Variants in RILPL1 observed in about 807,000 individuals in gnomAD.
The protein encoded by RILPL1 is RILP-like protein 1.
In RILPL1, 33 loss-of-function variants were observed where a neutral mutation model predicts 50.3. The ratio of observed to expected loss-of-function variants is 0.66; its 90% CI spans 0.50 to 0.88. The LOEUF is 0.88. Among genes scored for constraint, RILPL1 ranks in the 40% least tolerant of loss-of-function variants. RILPL1 has a pLI of 0.00. For missense variants in RILPL1, 418 were observed against 542.5 expected, an observed-to-expected ratio of 0.77 and a Z score of 2.28; for synonymous variants, 205 against 228.6, an observed-to-expected ratio of 0.90 and a Z score of 0.93.
At chr12:123,521,683 ATACACAC>A (rs1885057059) in intron 2 of RILPL1, among the ~76,000 whole-genome samples, 15 of 38,396 alleles carry the variant, frequency 3.9e-4, no homozygotes, top group Non-Finnish European at 9.7e-5. Context: ...ATATATATAT[ATACACAC>A]ATATATGTAT....
At chr12:123,530,600 C>T (rs887455565) in intron 1 of RILPL1, among the ~76,000 whole-genome samples, 3 of 152,218 alleles carry the variant, frequency 2.0e-5, no homozygotes, top group Admixed American at 2.0e-4. Flanking sequence ...GTGCCCAGAA[C>T]AATGCATGGC....
chr12:123,486,394 C>T (rs1275893453), intron 4 of RILPL1, among the ~76,000 whole-genome samples: 1 of 152,194 alleles, frequency 6.6e-6, no homozygotes, highest in Non-Finnish European at 1.5e-5. Context: ...GGGTGACCAA[C>T]AGATCCCAGC....
At chr12:123,473,537 A>G (rs771698678) in intron 6 of RILPL1, 6 of 151,954 alleles carry the variant, frequency 3.9e-5, no homozygotes, top group Non-Finnish European at 7.4e-5. Context: ...AAATATATAT[A>G]TATAAGTAAA....
At chr12:123,497,731 G>T (rs533110108) in intron 4 of RILPL1, among the ~76,000 whole-genome samples, 1 of 152,044 alleles carries the variant, frequency 6.6e-6, no homozygotes, top group Non-Finnish European at 1.5e-5. Context: ...TTTTTGTAGA[G>T]ATAGGACCTC....
intron 4 of RILPL1, among the ~76,000 whole-genome samples, chr12:123,495,805 C>T (rs1882996863): frequency 2.0e-5 from 3 of 151,140 alleles, no homozygotes; most frequent in South Asian, 2.1e-4. Context: ...CTCAGCCTCC[C>T]GAGTAGCTGG....
At chr12:123,480,930 C>T (rs1018457443) in intron 6 of RILPL1, among the ~76,000 whole-genome samples, 3 of 152,120 alleles carry the variant, frequency 2.0e-5, no homozygotes, top group Non-Finnish European at 2.9e-5. Flanking sequence ...GTCACAGACC[C>T]GGACGATCAA....
In RILPL1 at chr12:123,498,418, T is replaced by C. The variant is rs1593559546; in HGVS notation, c.801+126A>G. ...AAAATGTTTGTAGAGAATTGGGGTCTTGCTATGTTGCCCAGGTTGGCCATT... is the reference window on the plus strand; with the variant it reads ...AAAATGTTTGTAGAGAATTGGGGTCCTGCTATGTTGCCCAGGTTGGCCATT... On this transcript the variant is annotated intron_variant, in intron 4 of 6. Coordinates refer to ENST00000376874, the MANE Select transcript of RILPL1 (RefSeq NM_178314.5). This position sits in a 1 kb window ranked among gnomAD's most constrained non-coding sequence, Gnocchi z 4.3. The C allele has an allele frequency of 1.3e-6, 1 of 766,768 alleles. No homozygotes were observed. The highest frequency in any genetic ancestry group is 1.7e-5 in the African/African-American group (1 of 57,902). The allele number at this position is 766,768 out of a possible 1,614,324, so 47.5% of individuals were successfully genotyped here.
At chr12:123,511,981 CTG>C (rs1459868009) in intron 2 of RILPL1, among the ~76,000 whole-genome samples, 1 of 69,426 alleles carries the variant, frequency 1.4e-5, no homozygotes, top group Non-Finnish European at 2.8e-5. Flanking sequence ...TGTGTGAGGT[CTG>C]TGTGTGGTGT....
intron 2 of RILPL1, among the ~76,000 whole-genome samples, chr12:123,517,424 G>GTTTTT (rs59944903): frequency 1.5e-5 from 2 of 131,964 alleles, no homozygotes; most frequent in Non-Finnish European, 1.6e-5. Flanking sequence ...TGTTGTTATT[G>GTTTTT]TTTTTTTTTT....
At chr12:123,526,534 A>C (rs1333834379) in intron 1 of RILPL1, among the ~76,000 whole-genome samples, 2 of 152,120 alleles carry the variant, frequency 1.3e-5, no homozygotes, top group Non-Finnish European at 2.9e-5. Context: ...AAGCGCCTGG[A>C]ATATGCCCGG....
At chr12:123,484,775 G>C (rs889462724) in intron 5 of RILPL1, 5 of 224,016 alleles carry the variant, frequency 2.2e-5, no homozygotes, top group African/African-American at 1.2e-4. Flanking sequence ...TCCTGCTTCA[G>C]CCTCCCAAGT....
intron 1 of RILPL1, among the ~76,000 whole-genome samples, chr12:123,524,080 C>T (rs1374266397): frequency 2.0e-5 from 3 of 152,216 alleles, no homozygotes; most frequent in Admixed American, 6.5e-5. Context: ...CCGAGGCAGA[C>T]GGGGCCCCCT....
chr12:123,518,950 G>C (rs1235690802), intron 2 of RILPL1, among the ~76,000 whole-genome samples: 1 of 151,046 alleles, frequency 6.6e-6, no homozygotes, highest in Non-Finnish European at 1.5e-5. Context: ...CAGGCTACTC[G>C]GGAGGCTGAG....
At chr12:123,484,399 C>T (rs1030525919) in intron 5 of RILPL1, 127 bp from the exon 6 acceptor site, 2 of 717,518 alleles carry the variant, frequency 2.8e-6, no homozygotes, top group Admixed American at 2.1e-5. Flanking sequence ...ATCTGTATTT[C>T]CAGTTTATTC....
chr12:123,508,947 A>G (rs1404158925), intron 2 of RILPL1, among the ~76,000 whole-genome samples: 1 of 152,132 alleles, frequency 6.6e-6, no homozygotes, highest in East Asian at 1.9e-4. Flanking sequence ...GCACTTTGGG[A>G]AGCTGAGGAG....
intron 6 of RILPL1, chr12:123,475,826 C>A (rs754428731): frequency 2.3e-6 from 2 of 865,372 alleles, no homozygotes; most frequent in African/African-American, 3.3e-5. Flanking sequence ...TCCACAGACA[C>A]CAGTGGAAGG....
intron 4 of RILPL1, among the ~76,000 whole-genome samples, chr12:123,495,240 G>GGAA (rs200147587): frequency 0.012 from 1,777 of 152,248 alleles, 14 homozygotes; most frequent in Non-Finnish European, 0.018. Context: ...ACAGCACAGA[G>GGAA]GAAAGCAGGG....
chr12:123,496,075 T>C (rs1029453053), intron 4 of RILPL1, among the ~76,000 whole-genome samples: 7 of 151,794 alleles, frequency 4.6e-5, no homozygotes, highest in Admixed American at 6.6e-5. Context: ...TGCAGTGGCG[T>C]GATCTCAGTT....
At chr12:123,481,356 C>G (rs1881985682) in intron 6 of RILPL1, among the ~76,000 whole-genome samples, 1 of 138,178 alleles carries the variant, frequency 7.2e-6, no homozygotes, top group Non-Finnish European at 1.5e-5. Flanking sequence ...GAGACTCCCT[C>G]TCAAAAAAAA....
Sources: gnomAD v4.1 joint callset for allele counts (sites outside exome capture counted in the v4.1 genomes callset) on GRCh38, gnomAD v4.1.1 for gene constraint, Gnocchi (gnomAD v3.1) non-coding constraint, MANE v1.5 for transcripts, NCBI Gene and HGNC (gene_info 2026-07-23, HGNC 2026-07-21) for gene names.